EFR3A: variants seen among roughly 807,000 people sequenced by gnomAD.
The protein encoded by EFR3A is EFR3 homolog A.
EFR3A carries 76 observed loss-of-function variants against 104.4 expected under a neutral mutation model. The observed-to-expected ratio is 0.73, with a 90% CI of 0.60 to 0.88. The LOEUF (loss-of-function observed/expected upper bound fraction) is 0.88. Ranked by LOEUF, EFR3A falls within the 40% of genes least tolerant of loss-of-function variation. The pLI, the probability that EFR3A is intolerant of heterozygous loss-of-function variation, is 0.00. For missense variants in EFR3A, 985 were observed against 1,012.5 expected (o/e 0.97, Z 0.37); for synonymous variants, 330 against 330.0 (o/e 1.00, Z 0.00).
At position 131,986,247 on chromosome 8, in the gene EFR3A, C is replaced by A; in HGVS notation, c.1923C>A (p.Phe641Leu). The A allele has an allele frequency of 6.3e-7, 1 of 1,577,914 alleles. No individual in the cohort carries two copies. Among genetic ancestry groups the A allele is most frequent in the South Asian group, 1.1e-5 (1 of 88,988 alleles). ...CTTATTTTCTACCAGAGCATATCTT[C>A]AGAGATAAGTGCATGTATGTTAATT... ...EAPYFLPEHIFRDKCMLPKSL... is the reference protein window; with the variant it reads ...EAPYFLPEHILRDKCMLPKSL... Residue 641 changes from phenylalanine (F) to leucine (L), a missense_variant, in exon 17 of 23, where the codon TTC (phenylalanine) becomes TTA (leucine). Physicochemically the swap from Phe to Leu is conservative, Grantham distance 22. Transcript: ENST00000254624.
chr8:131,972,093 C>G (rs1246614699), intron 10 of EFR3A, among the ~76,000 whole-genome samples: 1 of 152,100 alleles, frequency 6.6e-6, no homozygotes, highest in Non-Finnish European at 1.5e-5. Flanking sequence ...TTCTACCTTT[C>G]TATGTATGTA....
rs758767549 is a variant in EFR3A at position 132,001,750 on chromosome 8, T to G, written c.2158-9T>G. On this transcript the variant is annotated splice_polypyrimidine_tract_variant and intron_variant, in intron 19 of 22. Transcript: ENST00000254624. ...TTAACTCTCGATTTCACTTATCACT[T>G]TTCTCTAGGTTAGTAACACTGAAGA... The G allele has an allele frequency of 1.2e-6, 2 of 1,612,254 alleles. No homozygotes were observed. Among genetic ancestry groups the G allele is most frequent in the Non-Finnish European group, 1.7e-6 (2 of 1,178,578 alleles).
intron 1 of EFR3A, among the ~76,000 whole-genome samples, chr8:131,920,727 T>C (rs1012168837): frequency 2.0e-5 from 3 of 151,764 alleles, no homozygotes; most frequent in African/African-American, 4.8e-5. Flanking sequence ...AAAGGCAGTA[T>C]AGTGTATAGT....
intron 8 of EFR3A, among the ~76,000 whole-genome samples, chr8:131,962,592 TC>T (rs1393204985): frequency 2.0e-5 from 3 of 152,098 alleles, no homozygotes; most frequent in Admixed American, 1.3e-4. Flanking sequence ...AGACGTAGAC[TC>T]CCACACAATA....
At chr8:131,909,564 A>G (rs1816414119) in intron 1 of EFR3A, among the ~76,000 whole-genome samples, 1 of 152,080 alleles carries the variant, frequency 6.6e-6, no homozygotes, top group Non-Finnish European at 1.5e-5. Flanking sequence ...AAATATATAT[A>G]TATTTAGTTT....
In EFR3A at chr8:132,002,725, A is replaced by C. The variant is rs747631022; in HGVS notation, c.2310+19A>C. Reference sequence around the variant, plus strand: ...ATCCAAAGTAAGTGAAGAAACGGTGAAGGGCTTGTGGGTGGACTGTTGTTT... The same window carrying C: ...ATCCAAAGTAAGTGAAGAAACGGTGCAGGGCTTGTGGGTGGACTGTTGTTT... On this transcript the variant is annotated intron_variant, in intron 21 of 22. Coordinates refer to ENST00000254624, the MANE Select transcript of EFR3A (RefSeq NM_015137.6). The C allele has an allele frequency of 5.0e-6, 8 of 1,593,686 alleles. No individual in the cohort carries two copies. The highest frequency in any genetic ancestry group is 6.9e-6 in the Non-Finnish European group (8 of 1,161,900).
intron 3 of EFR3A, among the ~76,000 whole-genome samples, chr8:131,946,166 G>T (rs927925435): frequency 1.3e-5 from 2 of 151,924 alleles, no homozygotes; most frequent in Admixed American, 6.6e-5. Flanking sequence ...AGTAAATATG[G>T]TTAAAAGTCT....
Position 131,970,488 on chromosome 8 carries a change from T to C in EFR3A, c.1004T>C (p.Leu335Pro). The C allele has an allele frequency of 6.2e-7, 1 of 1,613,764 alleles. No homozygotes were observed. Among genetic ancestry groups the C allele is most frequent in the Non-Finnish European group, 8.5e-7 (1 of 1,179,722 alleles). Residue 335 changes from leucine (L) to proline (P), a missense_variant, in exon 10 of 23, where the codon CTG becomes CCG. By Grantham distance (98) the Leu-to-Pro change is moderately conservative (BLOSUM62 -3). Transcript: ENST00000254624. ...AAKGSIGPTV[L>P]EVFNTLLKHL... ...TGATCCTTTATAGGTCCGACAGTGC[T>C]GGAAGTCTTCAATACCCTTTTGAAA...
intron 8 of EFR3A, among the ~76,000 whole-genome samples, chr8:131,962,626 C>T (rs1318390942): frequency 1.3e-5 from 2 of 152,238 alleles, no homozygotes; most frequent in Non-Finnish European, 1.5e-5. Context: ...TTTAACACCC[C>T]ACTGTCAACA....
intron 5 of EFR3A, among the ~76,000 whole-genome samples, chr8:131,952,879 C>A (rs1818778414): frequency 1.3e-5 from 2 of 152,076 alleles, no homozygotes. Flanking sequence ...ATTCTTTAAA[C>A]CTATTTACAG....
chr8:131,977,195 T>A, intron 12 of EFR3A, 103 bp downstream of exon 12: 3 of 765,446 alleles, frequency 3.9e-6, no homozygotes, highest in Non-Finnish European at 6.2e-6. Context: ...AGTAAGTTAC[T>A]GTTTATGGTT....
chr8:131,920,748 C>T (rs759808283), intron 1 of EFR3A, among the ~76,000 whole-genome samples: 7 of 151,020 alleles, frequency 4.6e-5, no homozygotes, highest in Non-Finnish European at 8.8e-5. Context: ...GTTGAGAGTA[C>T]AGGCTTAGAG....
intron 18 of EFR3A, among the ~76,000 whole-genome samples, chr8:131,995,019 A>G (rs971402989): frequency 6.6e-6 from 1 of 152,160 alleles, no homozygotes; most frequent in Non-Finnish European, 1.5e-5. Flanking sequence ...CTGTATCATA[A>G]AGGAAAAATT....
chr8:132,004,080 TCA>T (rs2130809769), intron 22 of EFR3A, among the ~76,000 whole-genome samples: 1 of 152,344 alleles, frequency 6.6e-6, no homozygotes, highest in South Asian at 2.1e-4. Flanking sequence ...CTTTTTTGTT[TCA>T]GTCTTTTTTC....
intron 22 of EFR3A, among the ~76,000 whole-genome samples, chr8:132,009,636 A>G (rs1822227479): frequency 1.3e-5 from 2 of 152,054 alleles, no homozygotes; most frequent in African/African-American, 4.8e-5. Context: ...CATTTGGACA[A>G]CTGCTGAACA....
intron 1 of EFR3A, among the ~76,000 whole-genome samples, chr8:131,929,722 T>C (rs1817489608): frequency 6.6e-6 from 1 of 152,156 alleles, no homozygotes; most frequent in Non-Finnish European, 1.5e-5. Flanking sequence ...GGGTATTGTT[T>C]TTCCCATTTA....
intron 22 of EFR3A, among the ~76,000 whole-genome samples, chr8:132,008,114 C>T (rs867683092): frequency 6.6e-6 from 1 of 151,864 alleles, no homozygotes; most frequent in African/African-American, 2.4e-5. Context: ...TAAAAACTTA[C>T]CATTAAAAGA....
intron 10 of EFR3A, among the ~76,000 whole-genome samples, chr8:131,975,196 GA>G (rs1203323633): frequency 8.5e-5 from 13 of 152,070 alleles, no homozygotes; most frequent in African/African-American, 3.1e-4. Flanking sequence ...TATGTATGTT[GA>G]ATTAATTCAC....
intron 18 of EFR3A, among the ~76,000 whole-genome samples, chr8:131,992,262 A>G (rs1586663792): frequency 6.6e-6 from 1 of 152,194 alleles, no homozygotes; most frequent in African/African-American, 2.4e-5. Context: ...GTATCAAAGC[A>G]TATGATTATG....
Sources: gnomAD v4.1 joint callset for allele counts (sites outside exome capture counted in the v4.1 genomes callset) on GRCh38, gnomAD v4.1.1 for gene constraint, MANE v1.5 for transcripts, NCBI Gene and HGNC (gene_info 2026-07-23, HGNC 2026-07-21) for gene names.